Variants in C14orf39 observed in about 807,000 individuals in gnomAD.
The protein encoded by C14orf39 is chromosome 14 open reading frame 39, also known as protein SIX6OS1.
Under a neutral mutation model 85.6 loss-of-function variants are expected in C14orf39, and 66 were observed. That is an observed-to-expected ratio of 0.77 (90% confidence interval 0.63 to 0.95). The LOEUF is 0.95. Among genes scored for constraint, C14orf39 ranks in the 40% least tolerant of loss-of-function variants. The pLI, the probability that C14orf39 is intolerant of heterozygous loss-of-function variation, is 0.00. For missense variants in C14orf39, 735 were observed against 663.9 expected (o/e 1.11, Z -1.18); for synonymous variants, 242 against 214.0 (o/e 1.13, Z -1.14).
upstream of C14orf39, among the ~76,000 whole-genome samples, chr14:60,486,664 A>C (rs1157696973): frequency 6.6e-6 from 1 of 152,222 alleles, no homozygotes; most frequent in African/African-American, 2.4e-5. Context: ...CAGTCCTCCA[A>C]AGTGCCTCAA....
At chr14:60,437,165 A>C (rs1385992754) in intron 17 of C14orf39, 118 bp from the exon 18 acceptor site, 3 of 662,564 alleles carry the variant, frequency 4.5e-6, no homozygotes, top group Non-Finnish European at 7.7e-6. Context: ...AGTGTTACAC[A>C]GGAATACAGG....
At chr14:60,510,008 G>T in intron 1 of C14orf39, 1 of 1,546,730 alleles carries the variant, frequency 6.5e-7, no homozygotes, top group South Asian at 1.2e-5. Context: ...GAGCGCACCG[G>T]GGAGGAGGCG....
intron 5 of C14orf39, among the ~76,000 whole-genome samples, chr14:60,472,708 T>C (rs1015216946): frequency 2.0e-5 from 3 of 152,186 alleles, no homozygotes; most frequent in Non-Finnish European, 4.4e-5. Flanking sequence ...TCCAGCTTCA[T>C]CCTTGTCCCT....
At chr14:60,498,077 G>C (rs1456355903) in intron 2 of C14orf39, among the ~76,000 whole-genome samples, 1 of 151,768 alleles carries the variant, frequency 6.6e-6, no homozygotes, top group East Asian at 1.9e-4. Flanking sequence ...ACATTTCTAA[G>C]TATCAAAGTC....
rs1594630957 is a variant in C14orf39, at chr14:60,509,167, G to A, written c.-144+6228C>T. 5.3e-6 allele frequency: 3 copies of A among 563,640 alleles called. No homozygotes were observed. In the East Asian group the frequency reaches 9.3e-5, roughly 18 times the overall value. The allele number at this position is 563,640 out of a possible 1,614,324, so 34.9% of individuals were successfully genotyped here. ...CCCCAATAGCGGAGCCAGCTCGCCTGCCGGCGTGCCTGAGCCGAGCCGAGC... is the reference window on the plus strand; with the variant it reads ...CCCCAATAGCGGAGCCAGCTCGCCTACCGGCGTGCCTGAGCCGAGCCGAGC... On this transcript the variant is annotated intron_variant, in intron 1 of 5. Transcript: ENST00000556799.
chr14:60,439,380 T>C (rs781064430), intron 17 of C14orf39, among the ~76,000 whole-genome samples: 29 of 152,120 alleles, frequency 1.9e-4, no homozygotes, highest in Admixed American at 5.2e-4. Context: ...TAGGATGATA[T>C]TGTAACAGTC....
chr14:60,467,488 T>G (rs955405421), intron 9 of C14orf39, among the ~76,000 whole-genome samples: 9 of 151,988 alleles, frequency 5.9e-5, no homozygotes, highest in Middle Eastern at 3.4e-3. Flanking sequence ...AGTTTTTTAC[T>G]GAAAGAATAG....
At chr14:60,452,109 C>T (rs1891064538) in intron 16 of C14orf39, among the ~76,000 whole-genome samples, 1 of 150,074 alleles carries the variant, frequency 6.7e-6, no homozygotes, top group Non-Finnish European at 1.5e-5. Flanking sequence ...ATCACTTGAA[C>T]CTGGGAGGTG....
At chr14:60,446,402 CAG>C (rs1363953286) in intron 16 of C14orf39, among the ~76,000 whole-genome samples, 2 of 152,212 alleles carry the variant, frequency 1.3e-5, no homozygotes, top group Non-Finnish European at 2.9e-5. Flanking sequence ...AAAGTACCAT[CAG>C]AGAATACTAA....
chr14:60,471,986 T>A (rs1238891631), intron 5 of C14orf39, among the ~76,000 whole-genome samples: 1 of 151,994 alleles, frequency 6.6e-6, no homozygotes, highest in Non-Finnish European at 1.5e-5. Context: ...TCCCACTATT[T>A]TAATGACGCT....
At chr14:60,503,448 C>T (rs550654578) in intron 1 of C14orf39, among the ~76,000 whole-genome samples, 11 of 152,240 alleles carry the variant, frequency 7.2e-5, no homozygotes, top group Admixed American at 7.2e-4. Flanking sequence ...CCCTCAAACT[C>T]AATTGGAATT....
chr14:60,494,979 A>T (rs528380647), intron 2 of C14orf39: 2 of 160,220 alleles, frequency 1.2e-5, no homozygotes, highest in East Asian at 3.8e-4. Context: ...AATCACCAAG[A>T]TTCTCCAGCA....
At chr14:60,471,880 T>C (rs182951164) in intron 5 of C14orf39, 141 bp from the exon 6 acceptor site, 12 of 543,852 alleles carry the variant, frequency 2.2e-5, no homozygotes, top group Admixed American at 3.7e-5. Context: ...GTCTGCCCTT[T>C]AGACTTTCCT....
At chr14:60,470,230 T>A (rs1417758465) in intron 7 of C14orf39, among the ~76,000 whole-genome samples, 3 of 151,732 alleles carry the variant, frequency 2.0e-5, no homozygotes, top group African/African-American at 7.3e-5. Flanking sequence ...CAATTTCAAG[T>A]AAAAAATCCT....
chr14:60,436,802 T>A lies in C14orf39; in HGVS notation c.*43A>T, dbSNP rs748893796. On this transcript the variant is annotated 3_prime_UTR_variant, in exon 18 of 18. Transcript: ENST00000321731. The stretch of plus-strand genomic sequence containing the variant: ...GCAATAATGTAAATTTATGCCCTCA[T>A]GAACACAGAACAGTAAAATAATTTA... 1 of 1,380,878 alleles carries A rather than the reference T, an allele frequency of 7.2e-7. No individual in the cohort carries two copies. Among genetic ancestry groups the A allele is most frequent in the Non-Finnish European group, 1.0e-6 (1 of 988,322 alleles). 85.5% of individuals were successfully genotyped at this position (1,380,878 alleles called of 1,614,324 possible).
In C14orf39 at chr14:60,497,799, T is replaced by C. The variant is rs533969231; in HGVS notation, c.-9+1497A>G. 2.0e-5 allele frequency among the ~76,000 whole-genome samples: 3 copies of C among 151,986 alleles called. No homozygotes were observed. In the East Asian group the frequency reaches 5.8e-4, roughly 29 times the overall value. On this transcript the variant is annotated intron_variant, in intron 2 of 5. Coordinates refer to the C14orf39 transcript ENST00000556799. ...TGGGAGGCTGAGGCAGGAGAATCGA[T>C]TGAACCTAAGAGGCAGAGGATGCAG... is the stretch of plus-strand genomic sequence containing the variant.
intron 1 of C14orf39, among the ~76,000 whole-genome samples, chr14:60,514,177 G>C (rs1226986045): frequency 1.3e-5 from 2 of 152,056 alleles, no homozygotes; most frequent in South Asian, 4.1e-4. Context: ...GACATTTAAA[G>C]GGTTTCTTTT....
chr14:60,514,812 A>G (rs1379873914), intron 1 of C14orf39, among the ~76,000 whole-genome samples: 2 of 152,326 alleles, frequency 1.3e-5, no homozygotes, highest in East Asian at 1.9e-4. Context: ...TTTTCGCTCT[A>G]TTCAACGGGG....
Position 60,484,809 on chromosome 14 carries a change from C to CA in C14orf39, c.106+71dup. Reference sequence around the variant, plus strand: ...AACGCCAACAATAAGTTGCCCTAAACAGAGCAATTGTATGTTATATGCCAT... The same window carrying CA: ...AACGCCAACAATAAGTTGCCCTAAACAAGAGCAATTGTATGTTATATGCCAT... On this transcript the variant is annotated intron_variant, in intron 3 of 17. Coordinates refer to ENST00000321731, the MANE Select transcript of C14orf39 (RefSeq NM_174978.3). This position sits in a 1 kb window ranked among gnomAD's most constrained non-coding sequence, Gnocchi z 4.2. 9.0e-7 allele frequency: 1 copy of CA among 1,105,916 alleles called. No individual in the cohort carries two copies. The highest frequency in any genetic ancestry group is 1.3e-6 in the Non-Finnish European group (1 of 751,820). 68.5% of individuals were successfully genotyped at this position (1,105,916 alleles called of 1,614,324 possible).
Sources: gnomAD v4.1 joint callset for allele counts (sites outside exome capture counted in the v4.1 genomes callset) on GRCh38, gnomAD v4.1.1 for gene constraint, Gnocchi (gnomAD v3.1) non-coding constraint, MANE v1.5 for transcripts, NCBI Gene and HGNC (gene_info 2026-07-23, HGNC 2026-07-21) for gene names.